Variants in PLB1 observed in about 807,000 individuals in gnomAD.
PLB1 encodes phospholipase B1, membrane-associated.
In PLB1, 242 loss-of-function variants were observed where a neutral mutation model predicts 227.4. The observed-to-expected ratio is 1.06, with a 90% CI of 0.96 to 1.18. The LOEUF (loss-of-function observed/expected upper bound fraction) is 1.18, where lower values mean the gene tolerates loss of function less well. Among genes scored for constraint, PLB1 ranks in the 50% most tolerant of loss-of-function variants. PLB1 has a pLI of 0.00. For missense variants in PLB1, 1,858 were observed against 1,816.3 expected (o/e 1.02, Z -0.42); for synonymous variants, 757 against 682.2 (o/e 1.11, Z -1.71).
intron 44 of PLB1, among the ~76,000 whole-genome samples, chr2:28,614,302 C>G (rs561111279): frequency 1.9e-4 from 29 of 152,272 alleles, no homozygotes; most frequent in African/African-American, 6.0e-4. Context: ...CTGACGTCAG[C>G]CCCCAAGCAG....
At chr2:28,614,819 G>T (rs554474039) in intron 44 of PLB1, among the ~76,000 whole-genome samples, 3 of 152,196 alleles carry the variant, frequency 2.0e-5, no homozygotes, top group South Asian at 2.1e-4. Context: ...ACCAAGGGAA[G>T]TGAGAGCCCA....
intron 8 of PLB1, among the ~76,000 whole-genome samples, chr2:28,531,602 C>T (rs1338928442): frequency 6.6e-6 from 1 of 152,204 alleles, no homozygotes; most frequent in African/African-American, 2.4e-5. Flanking sequence ...TGAACCACTG[C>T]ACCCAGCCAG....
intron 43 of PLB1, 102 bp downstream of exon 43, chr2:28,606,669 CCCCCTTA>C: frequency 9.3e-7 from 1 of 1,079,680 alleles, no homozygotes; most frequent in Non-Finnish European, 1.4e-6. Context: ...ACCCATCTTG[CCCCCTTA>C]CTGAGGCCTG....
chr2:28,606,626 ACC>A (rs1684722528), intron 43 of PLB1, 59 bp downstream of exon 43: 2 of 1,497,170 alleles, frequency 1.3e-6, no homozygotes, highest in Non-Finnish European at 1.9e-6. Context: ...AGCTCGCCCT[ACC>A]CACTTCGTCC....
At chr2:28,497,950 C>T (rs1666659080) in intron 1 of PLB1, among the ~76,000 whole-genome samples, 1 of 151,628 alleles carries the variant, frequency 6.6e-6, no homozygotes, top group South Asian at 2.1e-4. Flanking sequence ...AACTCCTAAT[C>T]TTAAGTGATC....
chr2:28,576,051 A>G (rs1678873841), intron 21 of PLB1, among the ~76,000 whole-genome samples: 1 of 152,212 alleles, frequency 6.6e-6, no homozygotes, highest in Admixed American at 6.5e-5. Context: ...CTTAGAGTCA[A>G]GAGTGTAAAA....
At chr2:28,589,374 T>C in intron 26 of PLB1, 76 bp from the exon 27 acceptor site, 3 of 1,093,966 alleles carry the variant, frequency 2.7e-6, no homozygotes, top group Non-Finnish European at 4.2e-6. Flanking sequence ...AATTCTGTGT[T>C]GGAGAAAGAG....
At chr2:28,573,164 G>A in intron 20 of PLB1, 33 bp from the exon 21 acceptor site, 1 of 1,537,034 alleles carries the variant, frequency 6.5e-7, no homozygotes, top group Non-Finnish European at 9.0e-7. Flanking sequence ...CTTTGCAGTA[G>A]TCACTAAGCG....
At chr2:28,627,178 C>T (rs1411924915) in intron 51 of PLB1, among the ~76,000 whole-genome samples, 1 of 152,178 alleles carries the variant, frequency 6.6e-6, no homozygotes. Context: ...TTGTGGCTCA[C>T]AGAGGCCAAC....
intron 20 of PLB1, among the ~76,000 whole-genome samples, chr2:28,567,521 G>T (rs1271346013): frequency 6.9e-6 from 1 of 144,254 alleles, no homozygotes; most frequent in African/African-American, 2.6e-5. Flanking sequence ...TGCCAGGCTG[G>T]AGTGCAGAGT....
At chr2:28,602,071 CA>C in intron 38 of PLB1, 107 bp downstream of exon 38, 1 of 1,117,828 alleles carries the variant, frequency 8.9e-7, no homozygotes. Context: ...AGGAGACAGC[CA>C]GGGGCATGGA....
At position 28,628,738 on chromosome 2, in the gene PLB1, A is replaced by T. The variant is rs561854321; in HGVS notation, c.3726+110A>T. 5.6e-4 allele frequency: 607 copies of T among 1,087,168 alleles called. 1 individual carries two copies. Among genetic ancestry groups the T allele is most frequent in the Non-Finnish European group, 6.3e-4 (451 of 710,544 alleles). 67.3% of individuals were successfully genotyped at this position (1,087,168 alleles called of 1,614,324 possible). ...ACGGAGCAGAGACCCGCCATGAGTG[A>T]GCACCTGGATGGCAGGGAGGGAGGT... On this transcript the variant is annotated intron_variant, in intron 52 of 57. Transcript: ENST00000327757.
At chr2:28,518,554 G>T in intron 3 of PLB1, 22 bp downstream of exon 3, 2 of 1,587,306 alleles carry the variant, frequency 1.3e-6, no homozygotes, top group Middle Eastern at 1.7e-4. Context: ...TTGGCCATGA[G>T]CAGGAAAAGC....
chr2:28,593,661 A>T lies in PLB1; in HGVS notation c.2248-20A>T. 1 of 1,611,198 alleles carries T rather than the reference A, an allele frequency of 6.2e-7. No homozygotes were observed. The highest frequency in any genetic ancestry group is 8.5e-7 in the Non-Finnish European group (1 of 1,177,722). The stretch of plus-strand genomic sequence containing the variant: ...CTCTGACTTGCTAATTTTCCTATGG[A>T]CTCTGGTATATTTTCAAAGGCTGGC... On this transcript the variant is annotated intron_variant, in intron 32 of 57. Transcript: ENST00000327757.
chr2:28,606,473 T>G, intron 42 of PLB1, 23 bp from the exon 43 acceptor site: 2 of 1,606,758 alleles, frequency 1.2e-6, no homozygotes, highest in Non-Finnish European at 1.7e-6. Flanking sequence ...TACACCCGTG[T>G]CTCTCTTTTC....
chr2:28,616,740 A>G (rs1048162921), intron 44 of PLB1, among the ~76,000 whole-genome samples: 8 of 152,222 alleles, frequency 5.3e-5, no homozygotes, highest in Admixed American at 4.6e-4. Context: ...AACAGAAGAA[A>G]TCCATCAGAA....
At chr2:28,576,408 G>A (rs955203157) in intron 21 of PLB1, among the ~76,000 whole-genome samples, 23 of 152,114 alleles carry the variant, frequency 1.5e-4, no homozygotes, top group African/African-American at 5.1e-4. Context: ...AGAGCAAAAC[G>A]TCAGACTCCC....
intron 25 of PLB1, 89 bp from the exon 26 acceptor site, chr2:28,585,672 G>A (rs13393932): frequency 0.34 from 368,127 of 1,068,714 alleles, 65,774 homozygotes; most frequent in African/African-American, 0.52. Flanking sequence ...TAAAAGAAAT[G>A]TATTGAGTCT....
chr2:28,539,239 T>A, intron 11 of PLB1, 61 bp downstream of exon 11: 1 of 1,440,368 alleles, frequency 6.9e-7, no homozygotes, highest in Non-Finnish European at 9.8e-7. Context: ...GTGCGGCCTG[T>A]GGGGGCCCTT....
Sources: allele counts gnomAD v4.1 joint callset (sites outside exome capture counted in the v4.1 genomes callset), GRCh38; gene constraint gnomAD v4.1.1; transcripts MANE v1.5; gene names NCBI Gene and HGNC (gene_info 2026-07-23, HGNC 2026-07-21).